Variants in ZFHX3 observed in about 807,000 individuals in gnomAD.
ZFHX3 encodes the protein zinc finger homeobox 3.
ZFHX3 carries 42 observed loss-of-function variants against 279.1 expected under a neutral mutation model. That is an observed-to-expected ratio of 0.15 (90% CI 0.12 to 0.19). The LOEUF is 0.19. Among genes scored for constraint, ZFHX3 ranks in the 10% least tolerant of loss-of-function variants. The pLI, the probability that ZFHX3 is intolerant of heterozygous loss-of-function variation, is 1.00. For missense variants in ZFHX3, 4,981 were observed against 4,754.0 expected (o/e 1.05, Z -1.40); for synonymous variants, 2,293 against 1,957.8 (o/e 1.17, Z -4.52).
intron 1 of ZFHX3, among the ~76,000 whole-genome samples, chr16:73,730,449 C>G (rs2053560764): frequency 6.6e-6 from 1 of 150,892 alleles, no homozygotes; most frequent in Non-Finnish European, 1.5e-5. Flanking sequence ...GTGGACAGTT[C>G]ACCTGTGTCA....
intron 5 of ZFHX3, among the ~76,000 whole-genome samples, chr16:73,227,678 A>G (rs1302296489): frequency 1.3e-5 from 2 of 151,682 alleles, no homozygotes; most frequent in Admixed American, 6.6e-5. Context: ...GTGAAACCAC[A>G]TATCTACTAA....
chr16:73,393,453 C>T (rs1381679438), intron 3 of ZFHX3, among the ~76,000 whole-genome samples: 2 of 152,186 alleles, frequency 1.3e-5, no homozygotes, highest in Non-Finnish European at 2.9e-5. Context: ...CCAATCTAGA[C>T]AGTCGTTCAT....
intron 3 of ZFHX3, among the ~76,000 whole-genome samples, chr16:73,374,712 A>G (rs1895742979): frequency 6.6e-6 from 1 of 152,160 alleles, no homozygotes; most frequent in South Asian, 2.1e-4. Flanking sequence ...GTGAACTTTC[A>G]ATCTCTTTTT....
intron 2 of ZFHX3, among the ~76,000 whole-genome samples, chr16:73,631,734 G>A (rs141765027): frequency 9.9e-5 from 15 of 152,182 alleles, no homozygotes; most frequent in African/African-American, 2.7e-4. Flanking sequence ...GTGAAACTCC[G>A]TCTGTATAAA....
chr16:73,045,418 C>T (rs1311976387), intron 1 of ZFHX3, among the ~76,000 whole-genome samples: 1 of 152,154 alleles, frequency 6.6e-6, no homozygotes, highest in Non-Finnish European at 1.5e-5. Flanking sequence ...CTGGGCTGTC[C>T]AATTGGCACT....
chr16:72,922,987 T>A (rs886865251), intron 3 of ZFHX3, among the ~76,000 whole-genome samples: 1 of 152,160 alleles, frequency 6.6e-6, no homozygotes, highest in Admixed American at 6.5e-5. Context: ...ATGATTAGTA[T>A]CTAAGGCACT....
intron 1 of ZFHX3, among the ~76,000 whole-genome samples, chr16:73,758,783 T>C (rs1346684972): frequency 6.6e-6 from 1 of 152,246 alleles, no homozygotes; most frequent in Non-Finnish European, 1.5e-5. Flanking sequence ...TGGAATTATT[T>C]ATGCATTTGC....
Position 73,163,494 on chromosome 16 carries a change from T to A in ZFHX3, c.-1103-19663A>T, listed in dbSNP as rs573541763. On this transcript the variant is annotated intron_variant, in intron 5 of 17. Transcript: ENST00000641206. The stretch of plus-strand genomic sequence containing the variant: ...TGATGTATTCTCTATGATGCTTCTG[T>A]GCTACAAAAGCACAGTTGAGAGTAG... 5.3e-5 allele frequency among the ~76,000 whole-genome samples: 8 copies of A among 152,348 alleles called. No individual in the cohort carries two copies. The South Asian group carries it at 1.7e-3, about 32-fold the overall frequency.
chr16:73,558,071 A>C (rs1272340222), intron 2 of ZFHX3, among the ~76,000 whole-genome samples: 2 of 152,240 alleles, frequency 1.3e-5, no homozygotes, highest in Non-Finnish European at 2.9e-5. Context: ...TTAAAGGAAG[A>C]GAGAACAGCA....
chr16:73,707,579 G>A (rs1470719320), intron 1 of ZFHX3, among the ~76,000 whole-genome samples: 5 of 129,616 alleles, frequency 3.9e-5, no homozygotes, highest in Admixed American at 3.2e-4. Context: ...ATCACACACC[G>A]GGGACTATTG....
chr16:73,518,012 A>T (rs1361252062), intron 2 of ZFHX3, among the ~76,000 whole-genome samples: 2 of 152,218 alleles, frequency 1.3e-5, no homozygotes, highest in Non-Finnish European at 2.9e-5. Context: ...TTATTTCAAC[A>T]CATAATCAAC....
intron 3 of ZFHX3, among the ~76,000 whole-genome samples, chr16:72,899,200 G>A (rs868562190): frequency 2.6e-5 from 4 of 152,250 alleles, no homozygotes; most frequent in Middle Eastern, 3.4e-3. Context: ...GTGTCCCCAC[G>A]CAAATCTCAT....
chr16:73,837,329 A>C (rs1169084345), intron 1 of ZFHX3, among the ~76,000 whole-genome samples: 1 of 152,194 alleles, frequency 6.6e-6, no homozygotes, highest in East Asian at 1.9e-4. Context: ...TTTCAAAACT[A>C]TATAGTTTCA....
chr16:73,778,490 A>G (rs1470090791), intron 1 of ZFHX3, among the ~76,000 whole-genome samples: 1 of 152,232 alleles, frequency 6.6e-6, no homozygotes, highest in African/African-American at 2.4e-5. Context: ...TAAAATCACA[A>G]TAATTCCCTC....
intron 2 of ZFHX3, among the ~76,000 whole-genome samples, chr16:73,618,726 C>A (rs1312107429): frequency 1.3e-5 from 2 of 152,174 alleles, no homozygotes; most frequent in African/African-American, 4.8e-5. Flanking sequence ...TCTGATAATT[C>A]TTTGAAGGTG....
At chr16:72,981,056 G>C (rs1309214320) in intron 1 of ZFHX3, among the ~76,000 whole-genome samples, 2 of 152,078 alleles carry the variant, frequency 1.3e-5, no homozygotes, top group African/African-American at 4.8e-5. Context: ...TACGTTCATG[G>C]CAAGCCAAGC....
intron 1 of ZFHX3, among the ~76,000 whole-genome samples, chr16:72,976,894 G>T (rs1962372919): frequency 6.6e-6 from 1 of 152,182 alleles, no homozygotes; most frequent in Admixed American, 6.5e-5. Flanking sequence ...AGTGCCCCGG[G>T]AGTTCTAACC....
chr16:73,571,241 C>T (rs1165370561), intron 2 of ZFHX3, among the ~76,000 whole-genome samples: 2 of 147,298 alleles, frequency 1.4e-5, no homozygotes, highest in Admixed American at 6.8e-5. Flanking sequence ...GCATTTTTTT[C>T]CTCATTCGCA....
chr16:73,314,565 G>T (rs1449859518), intron 4 of ZFHX3, among the ~76,000 whole-genome samples: 1 of 152,126 alleles, frequency 6.6e-6, no homozygotes, highest in Non-Finnish European at 1.5e-5. Context: ...ATTCTCTGGA[G>T]CTCCTTCCTC....
Sources: gnomAD v4.1 joint callset for allele counts (sites outside exome capture counted in the v4.1 genomes callset) on GRCh38, gnomAD v4.1.1 for gene constraint, MANE v1.5 for transcripts, NCBI Gene and HGNC (gene_info 2026-07-23, HGNC 2026-07-21) for gene names.